The following CEP112 variants were observed in gnomAD, a reference collection of about 807,000 sequenced individuals.
CEP112 encodes the protein centrosomal protein 112.
In CEP112, 127 loss-of-function variants were observed where a neutral mutation model predicts 153.0. That is an observed-to-expected ratio of 0.83 (90% CI 0.72 to 0.96). CEP112 has a LOEUF of 0.96. CEP112 is among the 40% of genes least tolerant of loss of function. The probability of loss-of-function intolerance (pLI) is 0.00; values close to 1 mark genes in which losing one functional copy is unlikely to be tolerated. For missense variants in CEP112, 1,089 were observed against 1,101.2 expected (o/e 0.99, Z 0.16); for synonymous variants, 358 against 374.4 (o/e 0.96, Z 0.51).
At chr17:65,980,782 T>C (rs1599245768) in intron 17 of CEP112, among the ~76,000 whole-genome samples, 1 of 152,206 alleles carries the variant, frequency 6.6e-6, no homozygotes, top group South Asian at 2.1e-4. Context: ...CAGCTTTTTT[T>C]TCTTTTTTTG....
chr17:65,893,786 T>C lies in CEP112; in HGVS notation c.2163+8366A>G, dbSNP rs185026112. 5.8e-3 allele frequency among the ~76,000 whole-genome samples: 889 copies of C among 152,264 alleles called. 8 individuals are homozygous for C. The highest frequency in any genetic ancestry group is 0.02 in the African/African-American group (813 of 41,568). The stretch of plus-strand genomic sequence containing the variant: ...GTCTCCCTGACACCAATTTGTGACA[T>C]TTTTGTCATGAAAAAAGCTCAGGTG... On this transcript the variant is annotated intron_variant, in intron 20 of 26. Coordinates refer to ENST00000535342, the MANE Select transcript of CEP112 (RefSeq NM_001199165.4).
intron 23 of CEP112, among the ~76,000 whole-genome samples, chr17:65,691,766 T>C (rs1391940537): frequency 2.0e-5 from 3 of 152,202 alleles, no homozygotes; most frequent in African/African-American, 7.2e-5. Context: ...TATTGCATAA[T>C]TGGGGAAAGT....
chr17:65,669,867 C>T (rs2046891049), intron 24 of CEP112, among the ~76,000 whole-genome samples: 1 of 149,610 alleles, frequency 6.7e-6, no homozygotes. Context: ...CGCGCCACTG[C>T]ACTCCAGCCT....
At chr17:65,642,187 T>C (rs1247160200) in intron 24 of CEP112, among the ~76,000 whole-genome samples, 1 of 152,176 alleles carries the variant, frequency 6.6e-6, no homozygotes, top group African/African-American at 2.4e-5. Flanking sequence ...TACTGTGAAA[T>C]AGGATAGAAT....
At chr17:65,841,081 A>T (rs2057499151) in intron 21 of CEP112, among the ~76,000 whole-genome samples, 1 of 152,114 alleles carries the variant, frequency 6.6e-6, no homozygotes, top group Admixed American at 6.5e-5. Context: ...CACTATAGAA[A>T]ACAGTATAAA....
At chr17:65,963,369 T>C (rs1024443533) in intron 17 of CEP112, among the ~76,000 whole-genome samples, 4 of 152,208 alleles carry the variant, frequency 2.6e-5, no homozygotes, top group Admixed American at 1.3e-4. Flanking sequence ...TGCAATCTTT[T>C]AAGACTTGGG....
intron 23 of CEP112, among the ~76,000 whole-genome samples, chr17:65,732,262 T>A (rs570569163): frequency 2.6e-5 from 4 of 152,212 alleles, no homozygotes; most frequent in Non-Finnish European, 4.4e-5. Flanking sequence ...GGTGCATGGT[T>A]AATCAGCAGT....
chr17:66,055,720 G>A (rs1314661857), intron 11 of CEP112, among the ~76,000 whole-genome samples: 1 of 152,180 alleles, frequency 6.6e-6, no homozygotes, highest in African/African-American at 2.4e-5. Context: ...GTCGCTGTCG[G>A]AGGGGTGGCT....
At chr17:66,111,442 C>T (rs796323059) in intron 6 of CEP112, among the ~76,000 whole-genome samples, 5 of 152,136 alleles carry the variant, frequency 3.3e-5, no homozygotes, top group Middle Eastern at 3.4e-3. Flanking sequence ...GCAAAGACAT[C>T]GAATCAACCT....
intron 21 of CEP112, among the ~76,000 whole-genome samples, chr17:65,754,937 C>A (rs901681376): frequency 6.6e-6 from 1 of 151,778 alleles, no homozygotes; most frequent in South Asian, 2.1e-4. Flanking sequence ...TTGGGGGTTG[C>A]GGGGAGGGAG....
In CEP112 at chr17:66,027,551, T is replaced by C; in HGVS notation, c.1606A>G (p.Asn536Asp). The change falls in exon 16 of 27, where the codon AAT (asparagine) becomes GAT (aspartate). Residue 536 changes from asparagine to aspartate, a missense_variant. Asn to Asp is a conservative substitution (Grantham distance 23, BLOSUM62 1). Coordinates refer to ENST00000535342, the MANE Select transcript of CEP112 (RefSeq NM_001199165.4). Reference protein sequence around the residue: ...QRKQQLRDQENKFQMEKSHLK... With the variant: ...QRKQQLRDQEDKFQMEKSHLK... ...TGACTTTTCTCCATCTGAAACTTAT[T>C]TTCTTGATCCTGTGAATGATAAATG... 1 of 1,296,324 alleles carries C rather than the reference T, an allele frequency of 7.7e-7. No homozygotes were observed. Among genetic ancestry groups the C allele is most frequent in the Non-Finnish European group, 1.0e-6 (1 of 966,414 alleles). The allele number at this position is 1,296,324 out of a possible 1,614,324, so 80.3% of individuals were successfully genotyped here. A position where few individuals can be genotyped will look rare whatever the true frequency, so the allele number is the denominator to read the frequency against.
intron 25 of CEP112, among the ~76,000 whole-genome samples, chr17:65,637,755 T>G (rs990040694): frequency 6.6e-6 from 1 of 152,370 alleles, no homozygotes; most frequent in Non-Finnish European, 1.5e-5. Context: ...ACCTGAGAGC[T>G]TCTCTTGGGC....
In CEP112 at chr17:66,191,250, A is replaced by G. The variant is rs527915292; in HGVS notation, c.-9+747T>C. Among the ~76,000 whole-genome samples, 456 of 152,298 alleles carry G rather than the reference A, an allele frequency of 3.0e-3. 2 individuals are homozygous for G. Among genetic ancestry groups the G allele is most frequent in the South Asian group, 6.4e-3 (31 of 4,826 alleles). On this transcript the variant is annotated intron_variant, in intron 1 of 26. Coordinates refer to ENST00000535342, the MANE Select transcript of CEP112 (RefSeq NM_001199165.4). The surrounding 1 kb of genome is among the most constrained non-coding windows in gnomAD (Gnocchi z 4.2). ...CCTGAACACTGCACAAATTATTAAT[A>G]CCATGCATTCCACTAAGCTGCAGCC... is the stretch of plus-strand genomic sequence containing the variant.
chr17:65,654,827 G>A, intron 24 of CEP112: 1 of 406,920 alleles, frequency 2.5e-6, no homozygotes, highest in East Asian at 6.1e-5. Context: ...TAAACTGTCT[G>A]AATTTGTTCA....
intron 17 of CEP112, among the ~76,000 whole-genome samples, chr17:65,969,593 C>A (rs182014797): frequency 4.7e-4 from 71 of 152,314 alleles, no homozygotes; most frequent in African/African-American, 1.7e-3. Flanking sequence ...ACATATATTG[C>A]ATGCACGAAT....
At chr17:65,874,115 T>C (rs892226721) in intron 20 of CEP112, among the ~76,000 whole-genome samples, 3 of 152,202 alleles carry the variant, frequency 2.0e-5, no homozygotes, top group African/African-American at 7.2e-5. Flanking sequence ...ACAGAGTTAT[T>C]TGAAATCTTT....
intron 24 of CEP112, among the ~76,000 whole-genome samples, chr17:65,646,518 A>C (rs1443637265): frequency 6.6e-6 from 1 of 152,226 alleles, no homozygotes; most frequent in Non-Finnish European, 1.5e-5. Flanking sequence ...TATCACGAGC[A>C]AACATTTACT....
chr17:65,795,199 TCTCA>T (rs1352329930), intron 21 of CEP112, among the ~76,000 whole-genome samples: 1 of 152,152 alleles, frequency 6.6e-6, no homozygotes, highest in East Asian at 1.9e-4. Context: ...GGTCAGCCAG[TCTCA>T]CTCTGAAACA....
At chr17:65,665,636 C>G (rs1598253452) in intron 24 of CEP112, among the ~76,000 whole-genome samples, 1 of 152,208 alleles carries the variant, frequency 6.6e-6, no homozygotes, top group South Asian at 2.1e-4. Flanking sequence ...AATAAGGGAA[C>G]AGAGTTAAAA....
Sources: allele counts gnomAD v4.1 joint callset (sites outside exome capture counted in the v4.1 genomes callset), GRCh38; gene constraint gnomAD v4.1.1; non-coding constraint Gnocchi (gnomAD v3.1); transcripts MANE v1.5; gene names NCBI Gene and HGNC (gene_info 2026-07-23, HGNC 2026-07-21).